MYZAP: variants seen among roughly 807,000 people sequenced by gnomAD.
MYZAP encodes myocardial zonula adherens protein, also known as GRINL1A complex locus upstream.
MYZAP carries 66 observed loss-of-function variants against 69.4 expected under a neutral mutation model. That is an observed-to-expected ratio of 0.95 (90% confidence interval 0.78 to 1.17). The LOEUF is 1.17. Among genes scored for constraint, MYZAP ranks in the 50% most tolerant of loss-of-function variants. MYZAP has a pLI of 0.00. For missense variants in MYZAP, 611 were observed against 556.2 expected (o/e 1.10, Z -0.99); for synonymous variants, 256 against 205.9 (o/e 1.24, Z -2.09).
chr15:57,616,610 T>G (rs534367195), intron 2 of MYZAP, among the ~76,000 whole-genome samples: 21 of 152,058 alleles, frequency 1.4e-4, no homozygotes, highest in African/African-American at 4.3e-4. Context: ...CTCTCCAACC[T>G]GGCGAGAGAG....
intron 10 of MYZAP, chr15:57,646,502 A>T (rs2037453939): frequency 1.9e-6 from 2 of 1,031,534 alleles, no homozygotes; most frequent in African/African-American, 3.4e-5. Flanking sequence ...GCTACTGAAA[A>T]ACCATTCAGA....
chr15:57,604,532 C>T (rs1460948514), intron 2 of MYZAP, among the ~76,000 whole-genome samples, 177 bp downstream of exon 2: 1 of 152,124 alleles, frequency 6.6e-6, no homozygotes, highest in Non-Finnish European at 1.5e-5. Context: ...GAGAGCTCTC[C>T]CTAGCCGGCT....
chr15:57,640,795 A>C (rs1317109153), intron 10 of MYZAP, among the ~76,000 whole-genome samples: 2 of 152,196 alleles, frequency 1.3e-5, no homozygotes, highest in East Asian at 3.8e-4. Context: ...ATTGGTTCAC[A>C]CACAAGTTTC....
At chr15:57,664,394 A>G (rs1364146803) in intron 11 of MYZAP, among the ~76,000 whole-genome samples, 1 of 152,170 alleles carries the variant, frequency 6.6e-6, no homozygotes, top group Non-Finnish European at 1.5e-5. Flanking sequence ...CTCCTCTCCT[A>G]GGGAATCAGA....
intron 4 of MYZAP, among the ~76,000 whole-genome samples, chr15:57,624,680 A>G (rs1374046538): frequency 6.6e-6 from 1 of 152,232 alleles, no homozygotes; most frequent in Non-Finnish European, 1.5e-5. Flanking sequence ...TTCTCATGCT[A>G]GAATTGTCCC....
At chr15:57,631,059 T>A (rs1404417090) in intron 6 of MYZAP, among the ~76,000 whole-genome samples, 2 of 152,226 alleles carry the variant, frequency 1.3e-5, no homozygotes, top group Non-Finnish European at 2.9e-5. Flanking sequence ...CTCCTCTGTA[T>A]GTTCACTTCT....
chr15:57,640,924 C>T (rs1279571163), intron 10 of MYZAP, among the ~76,000 whole-genome samples: 3 of 152,238 alleles, frequency 2.0e-5, no homozygotes. Context: ...CTATCGTCAA[C>T]ACTAGGTAGA....
chr15:57,592,061 C>T lies in MYZAP; in HGVS notation c.27C>T (p.Thr9=), dbSNP rs1167084846. Residue 9 remains threonine (T), a synonymous_variant, in exon 1 of 13, where the codon ACC becomes ACT. Coordinates refer to ENST00000267853, the MANE Select transcript of MYZAP (RefSeq NM_001018100.5). ...TGCTGCGCTCCACGTCCACGGTCACCCTGCTCTCGGGCGGCGCCGCCAGGA... is the reference window on the plus strand; with the variant it reads ...TGCTGCGCTCCACGTCCACGGTCACTCTGCTCTCGGGCGGCGCCGCCAGGA... The part of the protein sequence containing the change: MLRSTSTV[T]LLSGGAARTP... 7.1e-7 allele frequency: 1 copy of T among 1,412,456 alleles called. No homozygotes were observed. Among genetic ancestry groups the T allele is most frequent in the South Asian group, 1.5e-5 (1 of 67,484 alleles). The allele number at this position is 1,412,456 out of a possible 1,614,324, so 87.5% of individuals were successfully genotyped here.
At chr15:57,668,702 CTG>C (rs1321822581) in intron 11 of MYZAP, among the ~76,000 whole-genome samples, 21 of 152,042 alleles carry the variant, frequency 1.4e-4, no homozygotes, top group African/African-American at 5.1e-4. Flanking sequence ...TTTGAAGTGT[CTG>C]TTCCAATCTT....
chr15:57,639,210 A>ATTT (rs1242153297), intron 9 of MYZAP, among the ~76,000 whole-genome samples: 1 of 139,246 alleles, frequency 7.2e-6, no homozygotes, highest in Non-Finnish European at 1.5e-5. Flanking sequence ...ATTTTTATTT[A>ATTT]TTTATTTTTT....
At chr15:57,680,849 G>A (rs1483345794) in intron 12 of MYZAP, 3 of 152,192 alleles carry the variant, frequency 2.0e-5, no homozygotes, top group Admixed American at 2.0e-4. Flanking sequence ...AGAACACAAA[G>A]TAGCTTTTTG....
intron 10 of MYZAP, among the ~76,000 whole-genome samples, chr15:57,659,086 G>C (rs2038149425): frequency 6.6e-6 from 1 of 152,070 alleles, no homozygotes; most frequent in Non-Finnish European, 1.5e-5. Context: ...TTATTCTAAA[G>C]ACATATAATA....
intron 2 of MYZAP, among the ~76,000 whole-genome samples, chr15:57,612,514 A>T (rs931955606): frequency 1.4e-4 from 22 of 152,198 alleles, no homozygotes; most frequent in African/African-American, 5.3e-4. Context: ...AAATGTATTT[A>T]TGGAGCATCT....
rs574143095 is a variant in MYZAP, at chr15:57,647,882, G to A, written c.1119+8337G>A. 5 of 985,364 alleles carry A rather than the reference G, an allele frequency of 5.1e-6. No homozygotes were observed. In the South Asian group the frequency reaches 2.3e-4, roughly 46 times the overall value. 61.0% of individuals were successfully genotyped at this position (985,364 alleles called of 1,614,324 possible). Reference sequence around the variant, plus strand: ...TTTCCTGCCTGTACTGTGATATGGTGTGAACTTGACTTATACTGCTTGTGA... The same window carrying A: ...TTTCCTGCCTGTACTGTGATATGGTATGAACTTGACTTATACTGCTTGTGA... On this transcript the variant is annotated intron_variant, in intron 10 of 12. Coordinates refer to ENST00000267853, the MANE Select transcript of MYZAP (RefSeq NM_001018100.5).
intron 10 of MYZAP, among the ~76,000 whole-genome samples, chr15:57,652,351 C>A (rs1452311798): frequency 1.3e-5 from 2 of 152,220 alleles, no homozygotes; most frequent in East Asian, 3.9e-4. Context: ...AGATTCTGAT[C>A]TTGTCATATT....
intron 1 of MYZAP, among the ~76,000 whole-genome samples, chr15:57,603,258 G>A (rs1279957134): frequency 6.6e-6 from 1 of 152,032 alleles, no homozygotes; most frequent in Non-Finnish European, 1.5e-5. Context: ...CTTCTCCTAA[G>A]CCTTTCCAGC....
intron 6 of MYZAP, 66 bp from the exon 7 acceptor site, chr15:57,632,368 C>T: frequency 1.2e-6 from 2 of 1,604,274 alleles, no homozygotes; most frequent in East Asian, 2.2e-5. Flanking sequence ...ATGAAATGTG[C>T]AGTGGAAGCT....
chr15:57,648,785 T>G (rs1208111341), intron 10 of MYZAP, among the ~76,000 whole-genome samples: 3 of 58,242 alleles, frequency 5.2e-5, no homozygotes, highest in Non-Finnish European at 1.1e-4. Flanking sequence ...CTTGTTTCTG[T>G]TTTTTTTTTT....
At chr15:57,651,910 G>A (rs2037746671) in intron 10 of MYZAP, among the ~76,000 whole-genome samples, 2 of 152,184 alleles carry the variant, frequency 1.3e-5, no homozygotes, top group Non-Finnish European at 1.5e-5. Flanking sequence ...TCCTTCTGGA[G>A]AAGTTGGGTT....
Sources: gnomAD v4.1 joint callset for allele counts (sites outside exome capture counted in the v4.1 genomes callset) on GRCh38, gnomAD v4.1.1 for gene constraint, MANE v1.5 for transcripts, NCBI Gene and HGNC (gene_info 2026-07-23, HGNC 2026-07-21) for gene names.